Variants in CPLX2 observed in about 807,000 individuals in gnomAD.
CPLX2 encodes the protein complexin-2.
In CPLX2, 5 loss-of-function variants were observed where a neutral mutation model predicts 16.3. The ratio of observed to expected loss-of-function variants is 0.31; its 90% CI spans 0.16 to 0.64. CPLX2 has a LOEUF of 0.64. Among genes scored for constraint, CPLX2 ranks in the 30% least tolerant of loss-of-function variants. The pLI is 0.79. For synonymous variants in CPLX2, 89 were observed against 73.2 expected, an observed-to-expected ratio of 1.22 and a Z score of -1.10; for missense variants, 144 against 181.4, an observed-to-expected ratio of 0.79 and a Z score of 1.18.
rs546973644 is a variant in CPLX2 at position 175,827,054 on chromosome 5, A to G, written c.-89+17986A>G. On this transcript the variant is annotated intron_variant, in intron 2 of 4. Transcript: ENST00000359546. ...CACAGGGTGGTTTCTGCTGCTCCAGACTTACATCCCCACAGCTCAGCAGCT... is the reference window on the plus strand; with the variant it reads ...CACAGGGTGGTTTCTGCTGCTCCAGGCTTACATCCCCACAGCTCAGCAGCT... 5.9e-5 allele frequency among the ~76,000 whole-genome samples: 9 copies of G among 152,200 alleles called. No homozygotes were observed. The South Asian group carries it at 1.9e-3, about 32-fold the overall frequency.
At chr5:175,832,674 G>A (rs934684359) in intron 2 of CPLX2, among the ~76,000 whole-genome samples, 31 of 152,288 alleles carry the variant, frequency 2.0e-4, no homozygotes, top group African/African-American at 7.2e-4. Context: ...CAGCAGGTTT[G>A]AGGTTAAAAT....
intron 2 of CPLX2, among the ~76,000 whole-genome samples, chr5:175,859,442 TG>T (rs1167594226): frequency 6.6e-6 from 1 of 152,206 alleles, no homozygotes; most frequent in African/African-American, 2.4e-5. Context: ...CAGTCCCAAC[TG>T]AGGAGGACCC....
At chr5:175,858,894 G>C (rs2113686426) in intron 2 of CPLX2, among the ~76,000 whole-genome samples, 1 of 152,342 alleles carries the variant, frequency 6.6e-6, no homozygotes, top group East Asian at 1.9e-4. Flanking sequence ...GCAGTGGAAG[G>C]GAAAGGGCAG....
Position 175,872,842 on chromosome 5 carries a change from T to A in CPLX2, c.-89+1137T>A, listed in dbSNP as rs1759665223. ...AATCATAAAAACAGAAAAACGGCCA[T>A]AAGGACAACCACTGCAGGTTACCCG... On this transcript the variant is annotated intron_variant, in intron 1 of 3. Coordinates refer to ENST00000393745, the MANE Select transcript of CPLX2 (RefSeq NM_001008220.2). The surrounding 1 kb of genome is among the most constrained non-coding windows in gnomAD (Gnocchi z 5.0). 1 of 152,262 alleles carries A rather than the reference T, an allele frequency of 6.6e-6. No individual in the cohort carries two copies. The highest frequency in any genetic ancestry group is 1.5e-5 in the Non-Finnish European group (1 of 68,118). 9.4% of individuals were successfully genotyped at this position (152,262 alleles called of 1,614,324 possible).
chr5:175,813,870 G>C (rs1386149170), intron 2 of CPLX2, among the ~76,000 whole-genome samples: 1 of 152,208 alleles, frequency 6.6e-6, no homozygotes, highest in African/African-American at 2.4e-5. Context: ...TCAGACTTCA[G>C]CCGGCAACAG....
chr5:175,830,588 G>A lies in CPLX2; in HGVS notation c.-89+21520G>A, dbSNP rs752511201. Among the ~76,000 whole-genome samples, 177 of 152,314 alleles carry A rather than the reference G, an allele frequency of 1.2e-3. No homozygotes were observed. Among genetic ancestry groups the A allele is most frequent in the Non-Finnish European group, 2.0e-3 (135 of 68,014 alleles). On this transcript the variant is annotated intron_variant, in intron 2 of 4. Coordinates refer to the CPLX2 transcript ENST00000359546. The surrounding 1 kb of genome is among the most constrained non-coding windows in gnomAD (Gnocchi z 4.0). ...GCCATGCGGCACTAACAAGGACTCT[G>A]GTGGTCTCTTCGAGGGACCCTCATA...
intron 2 of CPLX2, among the ~76,000 whole-genome samples, chr5:175,829,154 A>G (rs1290652114): frequency 6.6e-6 from 1 of 152,188 alleles, no homozygotes; most frequent in Non-Finnish European, 1.5e-5. Context: ...TGAGAAGTGC[A>G]TTTCCCACAG....
At chr5:175,827,589 T>C (rs1209928905) in intron 2 of CPLX2, among the ~76,000 whole-genome samples, 1 of 152,116 alleles carries the variant, frequency 6.6e-6, no homozygotes, top group Non-Finnish European at 1.5e-5. Context: ...ACCCTGTCTC[T>C]ACTAAAAATA....
intron 2 of CPLX2, among the ~76,000 whole-genome samples, chr5:175,826,024 G>A (rs1758608369): frequency 1.3e-5 from 2 of 148,662 alleles, no homozygotes; most frequent in African/African-American, 4.9e-5. Flanking sequence ...TCGGATGCTT[G>A]TGCCAGTGGT....
chr5:175,799,690 ATTT>A (rs113894962), intron 1 of CPLX2, among the ~76,000 whole-genome samples: 1 of 149,072 alleles, frequency 6.7e-6, no homozygotes, highest in Non-Finnish European at 1.5e-5. Context: ...TATTTTTTTT[ATTT>A]TTTTTATTTT....
chr5:175,810,999 A>G lies in CPLX2; in HGVS notation c.-89+1931A>G, dbSNP rs1758302290. Among the ~76,000 whole-genome samples the G allele has an allele frequency of 1.3e-5, 2 of 152,222 alleles. 1 individual carries two copies. Among genetic ancestry groups the G allele is most frequent in the South Asian group, 4.1e-4 (2 of 4,834 alleles). Reference sequence around the variant, plus strand: ...GGCAGTGGGATGAGATGGAAAGAGCACGGGCTTTGGAATGAGGGCCAAGTT... The same window carrying G: ...GGCAGTGGGATGAGATGGAAAGAGCGCGGGCTTTGGAATGAGGGCCAAGTT... On this transcript the variant is annotated intron_variant, in intron 2 of 4. Transcript: ENST00000359546.
At chr5:175,807,222 T>G (rs1758223761) in intron 1 of CPLX2, among the ~76,000 whole-genome samples, 1 of 152,254 alleles carries the variant, frequency 6.6e-6, no homozygotes, top group Admixed American at 6.5e-5. Context: ...TGATTCTCCC[T>G]GCCTCCTAGA....
At chr5:175,824,721 A>G (rs983820720) in intron 2 of CPLX2, among the ~76,000 whole-genome samples, 2 of 152,216 alleles carry the variant, frequency 1.3e-5, no homozygotes, top group Admixed American at 6.5e-5. Flanking sequence ...GTTCTCACAC[A>G]ACAACTCGGA....
chr5:175,816,641 G>A (rs992310052), intron 2 of CPLX2, among the ~76,000 whole-genome samples: 3 of 152,210 alleles, frequency 2.0e-5, no homozygotes, highest in Non-Finnish European at 4.4e-5. Context: ...GGGGAGCCAG[G>A]GGTCCAAAAG....
chr5:175,850,203 A>C (rs552853655), intron 2 of CPLX2, among the ~76,000 whole-genome samples: 39 of 152,146 alleles, frequency 2.6e-4, no homozygotes, highest in African/African-American at 9.4e-4. Flanking sequence ...CCCTGTAACA[A>C]CGTCACATTC....
At chr5:175,831,100 C>G (rs200766412) in intron 2 of CPLX2, among the ~76,000 whole-genome samples, 4 of 150,568 alleles carry the variant, frequency 2.7e-5, no homozygotes, top group African/African-American at 7.3e-5. Flanking sequence ...CAGCTTGCCT[C>G]TGTGTGTGTG....
chr5:175,834,143 C>A (rs1324324396), intron 2 of CPLX2, among the ~76,000 whole-genome samples: 1 of 152,230 alleles, frequency 6.6e-6, no homozygotes, highest in African/African-American at 2.4e-5. Context: ...GCCAGCTCTG[C>A]CACTGATGTA....
At chr5:175,853,679 G>A (rs1213949721) in intron 2 of CPLX2, among the ~76,000 whole-genome samples, 1 of 152,106 alleles carries the variant, frequency 6.6e-6, no homozygotes, top group Non-Finnish European at 1.5e-5. Context: ...TGTCTGCACC[G>A]GCCCCTTCTC....
chr5:175,871,435 G>GAGAGAGAGAGAA (rs1561790330), upstream of CPLX2: 2 of 52,854 alleles, frequency 3.8e-5, no homozygotes, highest in Admixed American at 1.3e-4. Flanking sequence ...GAGAGAGACA[G>GAGAGAGAGAGAA]AGAGAGAGAG....
Sources: allele counts gnomAD v4.1 joint callset (sites outside exome capture counted in the v4.1 genomes callset), GRCh38; gene constraint gnomAD v4.1.1; non-coding constraint Gnocchi (gnomAD v3.1); transcripts MANE v1.5; gene names NCBI Gene and HGNC (gene_info 2026-07-23, HGNC 2026-07-21).